Variants in SLC25A26 observed in about 807,000 individuals in gnomAD.
SLC25A26 encodes the protein mitochondrial S-adenosylmethionine carrier protein.
In SLC25A26, 36 loss-of-function variants were observed where a neutral mutation model predicts 37.8. The observed-to-expected ratio is 0.95, with a 90% CI of 0.73 to 1.26. The LOEUF (loss-of-function observed/expected upper bound fraction) is 1.26. Among genes scored for constraint, SLC25A26 ranks in the 50% most tolerant of loss-of-function variants. The pLI is 0.00. For missense variants in SLC25A26, 390 were observed against 331.1 expected (o/e 1.18, Z -1.38); for synonymous variants, 129 against 122.5 (o/e 1.05, Z -0.35).
intron 5 of SLC25A26, among the ~76,000 whole-genome samples, chr3:66,266,597 T>TTTTTTTTA (rs57414222): frequency 1.3e-5 from 2 of 148,786 alleles, no homozygotes; most frequent in African/African-American, 2.5e-5. Flanking sequence ...TTTTTTTTTT[T>TTTTTTTTA]ACTGCATTTG....
intron 5 of SLC25A26, among the ~76,000 whole-genome samples, chr3:66,288,481 C>A (rs2074591318): frequency 1.3e-5 from 2 of 152,132 alleles, no homozygotes; most frequent in African/African-American, 4.8e-5. Flanking sequence ...GTAGCCATCC[C>A]CTACCCCTCG....
At chr3:66,302,947 A>G (rs908234325) in intron 5 of SLC25A26, among the ~76,000 whole-genome samples, 94 of 152,270 alleles carry the variant, frequency 6.2e-4, no homozygotes, top group Non-Finnish European at 2.9e-5. Flanking sequence ...CTTAGAGCAG[A>G]GTTTAAGGGG....
rs889536621 is a variant in SLC25A26, at chr3:66,166,138, G to A, written c.-354+32154G>A. On this transcript the variant is annotated intron_variant, in intron 1 of 10. Transcript: ENST00000676754. ...TCAAACGCCTTCAGTTTCTGCCAAC[G>A]TGGAAGGTCAGTCCTATCTATCAGA... is the stretch of plus-strand genomic sequence containing the variant. 2.0e-4 allele frequency among the ~76,000 whole-genome samples: 31 copies of A among 152,274 alleles called. 1 individual carries two copies. The highest frequency in any genetic ancestry group is 1.9e-3 in the South Asian group (9 of 4,828).
intron 5 of SLC25A26, among the ~76,000 whole-genome samples, chr3:66,291,866 T>A (rs151222720): frequency 0.015 from 2,228 of 152,328 alleles, 62 homozygotes; most frequent in African/African-American, 0.05. Flanking sequence ...GTTAATTTTC[T>A]GTCTTGTTGA....
intron 1 of SLC25A26, among the ~76,000 whole-genome samples, chr3:66,140,323 C>T (rs1008035122): frequency 6.6e-6 from 1 of 152,128 alleles, no homozygotes; most frequent in Admixed American, 6.5e-5. Flanking sequence ...GTCATGTGCT[C>T]ATCCTGTGAG....
At chr3:66,289,462 C>T (rs1049738222) in intron 5 of SLC25A26, among the ~76,000 whole-genome samples, 15 of 152,210 alleles carry the variant, frequency 9.9e-5, no homozygotes, top group African/African-American at 2.6e-4. Context: ...TTAGGTCTAA[C>T]GTTTAAGTCT....
At chr3:66,194,462 C>G (rs1284428437) in intron 1 of SLC25A26, among the ~76,000 whole-genome samples, 8 of 152,180 alleles carry the variant, frequency 5.3e-5, no homozygotes, top group Non-Finnish European at 1.0e-4. Context: ...CTGTAGTCCT[C>G]AAGATGAACA....
intron 5 of SLC25A26, among the ~76,000 whole-genome samples, chr3:66,290,726 T>C (rs928988705): frequency 6.6e-6 from 1 of 152,234 alleles, no homozygotes; most frequent in Non-Finnish European, 1.5e-5. Context: ...CAGTATATTA[T>C]TGAGGATTTT....
chr3:66,178,450 G>A (rs1452259686), intron 1 of SLC25A26, among the ~76,000 whole-genome samples: 6 of 152,142 alleles, frequency 3.9e-5, no homozygotes, highest in South Asian at 2.1e-4. Context: ...TGCACTTTTC[G>A]TGAGGTACTG....
intron 5 of SLC25A26, among the ~76,000 whole-genome samples, chr3:66,344,617 T>C (rs1256995879): frequency 1.3e-5 from 2 of 152,248 alleles, no homozygotes; most frequent in African/African-American, 2.4e-5. Flanking sequence ...GGGCTGCCTG[T>C]GCAGTGCCAG....
intron 7 of SLC25A26, among the ~76,000 whole-genome samples, chr3:66,365,715 C>G (rs1243251940): frequency 6.6e-6 from 1 of 152,112 alleles, no homozygotes; most frequent in Non-Finnish European, 1.5e-5. Flanking sequence ...AATGAGAAGG[C>G]CTGACACAAT....
intron 1 of SLC25A26, among the ~76,000 whole-genome samples, chr3:66,180,551 A>T (rs2070683123): frequency 6.6e-6 from 1 of 152,190 alleles, no homozygotes. Context: ...GAACAGAAAC[A>T]TGTTCAATGT....
intron 5 of SLC25A26, among the ~76,000 whole-genome samples, chr3:66,282,039 C>G (rs1432970441): frequency 1.6e-5 from 2 of 124,180 alleles, no homozygotes; most frequent in Admixed American, 9.5e-5. Flanking sequence ...GAGTCTCGCT[C>G]TGTCGCCCAG....
chr3:66,156,816 G>A (rs189311464), intron 1 of SLC25A26, among the ~76,000 whole-genome samples: 1 of 152,110 alleles, frequency 6.6e-6, no homozygotes, highest in African/African-American at 2.4e-5. Flanking sequence ...GGAAAGTAGA[G>A]GGAATGTAGT....
rs144224248 is a variant in SLC25A26 at position 66,171,526 on chromosome 3, A to G, written c.-354+37542A>G. Among the ~76,000 whole-genome samples the G allele has an allele frequency of 4.0e-3, 613 of 152,074 alleles. 6 individuals carry two copies. Among genetic ancestry groups the G allele is most frequent in the Non-Finnish European group, 3.9e-3 (267 of 68,008 alleles). On this transcript the variant is annotated intron_variant, in intron 1 of 10. Coordinates refer to the SLC25A26 transcript ENST00000676754. ...TTTTTTTTGAGCAGAGTCTTGCTCT[A>G]TCACCCAGGATGTGGTGCAGTGGTG...
intron 5 of SLC25A26, among the ~76,000 whole-genome samples, chr3:66,342,846 G>C (rs1248174959): frequency 6.6e-6 from 1 of 152,134 alleles, no homozygotes; most frequent in African/African-American, 2.4e-5. Flanking sequence ...TGGTAGCTGG[G>C]TTTACTGCCG....
intron 5 of SLC25A26, among the ~76,000 whole-genome samples, chr3:66,320,313 G>T (rs2075661039): frequency 6.6e-6 from 1 of 152,002 alleles, no homozygotes. Context: ...TTATGTCTCT[G>T]TGATTTTGCC....
At chr3:66,205,720 G>A (rs2071167817) in intron 1 of SLC25A26, among the ~76,000 whole-genome samples, 2 of 152,108 alleles carry the variant, frequency 1.3e-5, no homozygotes, top group Non-Finnish European at 2.9e-5. Context: ...GCAGCCCCTT[G>A]ACCCTGTGGA....
chr3:66,254,842 A>T (rs782253310), intron 3 of SLC25A26, among the ~76,000 whole-genome samples: 3 of 152,146 alleles, frequency 2.0e-5, no homozygotes, highest in East Asian at 1.9e-4. Flanking sequence ...TTAAATCAGA[A>T]TTTTTTTTGT....
Sources: gnomAD v4.1 joint callset for allele counts (sites outside exome capture counted in the v4.1 genomes callset) on GRCh38, gnomAD v4.1.1 for gene constraint, MANE v1.5 for transcripts, NCBI Gene and HGNC (gene_info 2026-07-23, HGNC 2026-07-21) for gene names.